Variants in JAK1 observed in about 807,000 individuals in gnomAD.
JAK1 encodes Janus kinase 1, also known as tyrosine-protein kinase JAK1.
Under a neutral mutation model 136.6 loss-of-function variants are expected in JAK1, and 16 were observed. That is an observed-to-expected ratio of 0.12 (90% confidence interval 0.08 to 0.18). The LOEUF (loss-of-function observed/expected upper bound fraction) is 0.18. JAK1 is among the 10% of genes least tolerant of loss of function. JAK1 has a pLI of 1.00. For missense variants in JAK1, 859 were observed against 1,450.1 expected (o/e 0.59, Z 6.62); for synonymous variants, 492 against 519.5 (o/e 0.95, Z 0.72).
chr1:65,061,136 A>G (rs1472686095), intron 1 of JAK1, among the ~76,000 whole-genome samples: 3 of 152,202 alleles, frequency 2.0e-5, no homozygotes, highest in African/African-American at 7.2e-5. Context: ...GTGGAGTACA[A>G]GGCCAGGCAT....
intron 1 of JAK1, among the ~76,000 whole-genome samples, chr1:64,922,735 T>G (rs1645516436): frequency 6.6e-6 from 1 of 152,092 alleles, no homozygotes; most frequent in Non-Finnish European, 1.5e-5. Flanking sequence ...GAATAGAAAA[T>G]GGTTGGTAAG....
chr1:65,067,019 C>T (rs1569986926), intron 1 of JAK1, among the ~76,000 whole-genome samples: 1 of 152,120 alleles, frequency 6.6e-6, no homozygotes, highest in Admixed American at 6.5e-5. Flanking sequence ...CCGCGCAAAA[C>T]CGCGGAAATG....
At chr1:64,992,234 G>C (rs1372193406) in intron 2 of JAK1, 4 of 152,064 alleles carry the variant, frequency 2.6e-5, no homozygotes, top group Admixed American at 6.5e-5. Flanking sequence ...ACAAGAATTA[G>C]CTGGACATGG....
chr1:65,024,660 CAAAAAAAA>C (rs11349903), intron 2 of JAK1, among the ~76,000 whole-genome samples: 4 of 69,882 alleles, frequency 5.7e-5, no homozygotes, highest in East Asian at 3.7e-4. Context: ...TGGTCCAAAG[CAAAAAAAA>C]AAAAAAAAAA....
intron 4 of JAK1, among the ~76,000 whole-genome samples, chr1:64,878,396 C>A (rs1401280085): frequency 6.6e-6 from 1 of 152,002 alleles, no homozygotes; most frequent in Non-Finnish European, 1.5e-5. Flanking sequence ...AAAATTACAG[C>A]TCCACAGCCA....
chr1:64,909,589 G>C (rs565195298), intron 1 of JAK1, among the ~76,000 whole-genome samples: 14 of 151,950 alleles, frequency 9.2e-5, no homozygotes, highest in African/African-American at 3.1e-4. Context: ...GGAAGGATGA[G>C]GCAAGAGGAT....
At position 64,966,545 on chromosome 1, in the gene JAK1, G is replaced by A. The variant is rs979927616; in HGVS notation, c.-290C>T. 2 of 149,974 alleles carry A rather than the reference G, an allele frequency of 1.3e-5. No homozygotes were observed. The highest frequency in any genetic ancestry group is 2.4e-5 in the African/African-American group (1 of 41,206). 9.3% of individuals were successfully genotyped at this position (149,974 alleles called of 1,614,324 possible). On this transcript the variant is annotated 5_prime_UTR_variant, in exon 1 of 25. Coordinates refer to ENST00000342505, the MANE Select transcript of JAK1 (RefSeq NM_002227.4). ...GCGGCCGCCGCGGCCTGCGCTCAGCGACGCACCGCCTCCCGTCCCGCCCCG... is the reference window on the plus strand; with the variant it reads ...GCGGCCGCCGCGGCCTGCGCTCAGCAACGCACCGCCTCCCGTCCCGCCCCG...
chr1:64,906,728 T>C (rs895422680), intron 1 of JAK1, among the ~76,000 whole-genome samples: 1 of 152,186 alleles, frequency 6.6e-6, no homozygotes, highest in African/African-American at 2.4e-5. Flanking sequence ...GGTGAGTGAA[T>C]ACATAAATAT....
chr1:64,900,777 C>T (rs574610853), intron 1 of JAK1, among the ~76,000 whole-genome samples: 1 of 152,286 alleles, frequency 6.6e-6, no homozygotes, highest in African/African-American at 2.4e-5. Flanking sequence ...TTCTTACTCT[C>T]TTAGGTGACA....
chr1:64,877,991 G>A (rs560478081), intron 4 of JAK1, among the ~76,000 whole-genome samples: 3 of 152,302 alleles, frequency 2.0e-5, no homozygotes, highest in South Asian at 2.1e-4. Flanking sequence ...AGTGTCCACT[G>A]AGAAAAACAT....
At chr1:65,038,782 G>A (rs1647100759) in intron 2 of JAK1, among the ~76,000 whole-genome samples, 1 of 152,076 alleles carries the variant, frequency 6.6e-6, no homozygotes, top group African/African-American at 2.4e-5. Context: ...GGGATTACAG[G>A]TGCCCACCAC....
intron 1 of JAK1, among the ~76,000 whole-genome samples, chr1:64,946,651 C>T (rs374443628): frequency 1.7e-4 from 26 of 152,116 alleles, no homozygotes; most frequent in African/African-American, 5.8e-4. Context: ...GAGTTAATTA[C>T]GGGCAGTTTT....
intron 14 of JAK1, 134 bp from the exon 15 acceptor site, chr1:64,845,774 G>T: frequency 9.4e-7 from 1 of 1,062,240 alleles, no homozygotes; most frequent in Non-Finnish European, 1.4e-6. Context: ...GGGTGCAATG[G>T]TGCAGGGGCT....
chr1:64,928,368 C>T (rs573106057), intron 1 of JAK1, among the ~76,000 whole-genome samples: 3 of 152,134 alleles, frequency 2.0e-5, no homozygotes, highest in Admixed American at 6.5e-5. Context: ...AAGAATACTG[C>T]GAGAAAAAGT....
chr1:64,910,255 A>ATTT (rs1363915128), intron 1 of JAK1, among the ~76,000 whole-genome samples: 3 of 152,234 alleles, frequency 2.0e-5, no homozygotes, highest in Non-Finnish European at 2.9e-5. Flanking sequence ...AGTCAAGGCT[A>ATTT]GTGGAAAGTT....
intron 2 of JAK1, among the ~76,000 whole-genome samples, chr1:64,996,035 G>A (rs920978305): frequency 9.2e-5 from 14 of 152,154 alleles, no homozygotes; most frequent in Non-Finnish European, 1.5e-4. Context: ...GAGCCACTGC[G>A]CCTGGCTGAC....
At chr1:65,066,630 C>T (rs1430819704) in intron 1 of JAK1, 1 of 152,428 alleles carries the variant, frequency 6.6e-6, no homozygotes, top group Non-Finnish European at 1.5e-5. Context: ...CCTCCTACCC[C>T]AGACTCCAGC....
intron 7 of JAK1, among the ~76,000 whole-genome samples, chr1:64,865,242 C>T (rs1466315971): frequency 5.3e-5 from 8 of 152,202 alleles, no homozygotes; most frequent in African/African-American, 1.9e-4. Flanking sequence ...CACGGAAACT[C>T]AGAAAGGGAA....
At chr1:64,949,090 A>T (rs1042215775) in intron 1 of JAK1, among the ~76,000 whole-genome samples, 1 of 152,212 alleles carries the variant, frequency 6.6e-6, no homozygotes, top group Admixed American at 6.5e-5. Flanking sequence ...TACCATGCTA[A>T]GGAGTTTGGA....
Sources: allele counts gnomAD v4.1 joint callset (sites outside exome capture counted in the v4.1 genomes callset), GRCh38; gene constraint gnomAD v4.1.1; transcripts MANE v1.5; gene names NCBI Gene and HGNC (gene_info 2026-07-23, HGNC 2026-07-21).